GMDS: variants seen among roughly 807,000 people sequenced by gnomAD.
The protein encoded by GMDS is GDP-mannose 4,6-dehydratase.
A neutral mutation model predicts 49.9 loss-of-function variants in GMDS; 20 were observed. The observed-to-expected ratio is 0.40, with a 90% CI of 0.28 to 0.58. The LOEUF is 0.58. Ranked by LOEUF, GMDS falls within the 20% of genes least tolerant of loss-of-function variation. GMDS has a pLI of 0.42. For synonymous variants in GMDS, 177 were observed against 178.6 expected (o/e 0.99, Z 0.07); for missense variants, 362 against 481.4 (o/e 0.75, Z 2.32).
At chr6:1,847,494 C>T (rs1581251614) in intron 7 of GMDS, among the ~76,000 whole-genome samples, 3 of 152,188 alleles carry the variant, frequency 2.0e-5, no homozygotes, top group East Asian at 3.9e-4. Context: ...TAAATACCAT[C>T]ACCTCAGTGG....
intron 9 of GMDS, among the ~76,000 whole-genome samples, chr6:1,719,888 T>A (rs1211716902): frequency 1.3e-5 from 2 of 152,202 alleles, no homozygotes; most frequent in Non-Finnish European, 2.9e-5. Flanking sequence ...TTTGTAGACG[T>A]CAATAAGTCT....
At chr6:1,995,331 C>G (rs763973726) in intron 4 of GMDS, among the ~76,000 whole-genome samples, 4 of 152,192 alleles carry the variant, frequency 2.6e-5, no homozygotes, top group Non-Finnish European at 2.9e-5. Context: ...ACAGCTCTGA[C>G]TGGACACAGG....
chr6:2,199,495 C>A (rs1196495783), intron 1 of GMDS, among the ~76,000 whole-genome samples: 3 of 152,170 alleles, frequency 2.0e-5, no homozygotes, highest in African/African-American at 7.2e-5. Context: ...CACTCTCTGT[C>A]CTCGCTGCTC....
intron 9 of GMDS, among the ~76,000 whole-genome samples, chr6:1,674,116 T>C (rs1764519461): frequency 6.7e-6 from 1 of 150,122 alleles, no homozygotes; most frequent in Non-Finnish European, 1.5e-5. Flanking sequence ...TCGTGCAAAG[T>C]GTCTAAACCT....
chr6:1,920,953 T>G (rs1761686905), intron 7 of GMDS, among the ~76,000 whole-genome samples: 1 of 152,224 alleles, frequency 6.6e-6, no homozygotes, highest in South Asian at 2.1e-4. Context: ...CATGACTTTC[T>G]TAAGTACAAT....
intron 8 of GMDS, among the ~76,000 whole-genome samples, chr6:1,737,778 CACATACATACACACAT>C (rs1412949509): frequency 1.8e-5 from 2 of 111,646 alleles, no homozygotes; most frequent in South Asian, 3.9e-4. Flanking sequence ...CACACAGATA[CACATACATACACACAT>C]ACATACACAC....
chr6:2,025,341 G>A (rs1768519304), intron 4 of GMDS, among the ~76,000 whole-genome samples: 1 of 147,280 alleles, frequency 6.8e-6, no homozygotes, highest in Non-Finnish European at 1.5e-5. Context: ...TATTAGTTCT[G>A]TAAATCTGAT....
chr6:1,980,817 G>T (rs113018989), intron 4 of GMDS, among the ~76,000 whole-genome samples: 356 of 152,138 alleles, frequency 2.3e-3, no homozygotes, highest in African/African-American at 6.3e-3. Context: ...AAATGTAAAA[G>T]AACTGAAATC....
At chr6:1,629,090 T>C (rs1405507322) in intron 9 of GMDS, among the ~76,000 whole-genome samples, 1 of 152,186 alleles carries the variant, frequency 6.6e-6, no homozygotes, top group Non-Finnish European at 1.5e-5. Context: ...CTAGTCAAGA[T>C]TCCAGATAGT....
chr6:2,094,316 T>C (rs1434669004), intron 4 of GMDS, among the ~76,000 whole-genome samples: 2 of 152,244 alleles, frequency 1.3e-5, no homozygotes, highest in South Asian at 2.1e-4. Flanking sequence ...ATCTACAAGA[T>C]TGCAACTTAA....
chr6:1,881,281 C>A (rs1759349862), intron 7 of GMDS, among the ~76,000 whole-genome samples: 1 of 152,052 alleles, frequency 6.6e-6, no homozygotes, highest in South Asian at 2.1e-4. Context: ...AACAAATGAG[C>A]AGACAAAATC....
chr6:2,009,854 A>T (rs1207329490), intron 4 of GMDS, among the ~76,000 whole-genome samples: 3 of 152,226 alleles, frequency 2.0e-5, no homozygotes, highest in African/African-American at 7.2e-5. Context: ...CAGATTGCTT[A>T]TATTTATTTT....
chr6:2,189,051 A>G (rs368416122), intron 1 of GMDS, among the ~76,000 whole-genome samples: 2 of 152,230 alleles, frequency 1.3e-5, no homozygotes, highest in East Asian at 1.9e-4. Flanking sequence ...TTTCATAGTT[A>G]TATGAACTGG....
chr6:2,099,905 G>C (rs1338789216), intron 4 of GMDS, among the ~76,000 whole-genome samples: 1 of 151,946 alleles, frequency 6.6e-6, no homozygotes, highest in Non-Finnish European at 1.5e-5. Flanking sequence ...GTTTTCATTA[G>C]ACAGGACATG....
At chr6:2,213,138 C>T (rs1452540054) in intron 1 of GMDS, among the ~76,000 whole-genome samples, 2 of 152,150 alleles carry the variant, frequency 1.3e-5, no homozygotes, top group African/African-American at 4.8e-5. Flanking sequence ...TATTAGAAAT[C>T]ATAAAACTGT....
chr6:2,230,878 A>C (rs1178583488), intron 1 of GMDS, among the ~76,000 whole-genome samples: 1 of 150,082 alleles, frequency 6.7e-6, no homozygotes, highest in African/African-American at 2.5e-5. Flanking sequence ...AAAAAACCCC[A>C]AAACCTTCCC....
intron 4 of GMDS, among the ~76,000 whole-genome samples, chr6:2,074,114 AT>A (rs1210215142): frequency 4.6e-5 from 7 of 152,202 alleles, no homozygotes; most frequent in Non-Finnish European, 7.4e-5. Context: ...AAGTGGTTGT[AT>A]TAATTCACCT....
chr6:2,022,158 AC>A (rs1174462411), intron 4 of GMDS, among the ~76,000 whole-genome samples: 1 of 152,186 alleles, frequency 6.6e-6, no homozygotes, highest in African/African-American at 2.4e-5. Context: ...AAGATGCAAA[AC>A]CAGAAGGACA....
chr6:2,048,388 T>G (rs1770156546), intron 4 of GMDS, among the ~76,000 whole-genome samples: 1 of 152,238 alleles, frequency 6.6e-6, no homozygotes, highest in African/African-American at 2.4e-5. Flanking sequence ...TCTGTTCCAC[T>G]GGTCTATATG....
Sources: allele counts gnomAD v4.1 joint callset (sites outside exome capture counted in the v4.1 genomes callset), GRCh38; gene constraint gnomAD v4.1.1; transcripts MANE v1.5; gene names NCBI Gene and HGNC (gene_info 2026-07-23, HGNC 2026-07-21).